Variants in ARID4A observed in about 807,000 individuals in gnomAD.
ARID4A encodes AT-rich interactive domain-containing protein 4A.
Under a neutral mutation model 148.6 loss-of-function variants are expected in ARID4A, and 39 were observed. The observed-to-expected ratio is 0.26, with a 90% CI of 0.20 to 0.34. The LOEUF (loss-of-function observed/expected upper bound fraction) is 0.34. Among genes scored for constraint, ARID4A ranks in the 10% least tolerant of loss-of-function variants. ARID4A has a pLI of 1.00. For synonymous variants in ARID4A, 475 were observed against 481.2 expected (o/e 0.99, Z 0.17); for missense variants, 1,265 against 1,449.1 (o/e 0.87, Z 2.06).
At position 58,347,082 on chromosome 14, in the gene ARID4A, A is replaced by AGCT; in HGVS notation, c.1141_1143dup (p.Ala381dup). ...ACCTTGGCATTCCTATTTTGAATTC[A>AGCT]GCTGCTTCCTACAATGTAAAAACTG... On this transcript the variant is annotated inframe_insertion, in exon 14 of 24. Transcript: ENST00000355431. 1 of 1,586,274 alleles carries AGCT rather than the reference A, an allele frequency of 6.3e-7. No homozygotes were observed. The highest frequency in any genetic ancestry group is 8.6e-7 in the Non-Finnish European group (1 of 1,166,290).
At chr14:58,314,414 G>A (rs915933377) in intron 5 of ARID4A, among the ~76,000 whole-genome samples, 3 of 152,104 alleles carry the variant, frequency 2.0e-5, no homozygotes, top group Non-Finnish European at 2.9e-5. Flanking sequence ...AGTTCATAAT[G>A]TTGTTGGTTT....
chr14:58,350,670 G>T (rs904210769), intron 15 of ARID4A, among the ~76,000 whole-genome samples: 1 of 152,102 alleles, frequency 6.6e-6, no homozygotes, highest in African/African-American at 2.4e-5. Context: ...AAATTCAGGG[G>T]ATTGGTTTTA....
At chr14:58,299,476 G>GA (rs748508602) in intron 1 of ARID4A, 310 of 190,084 alleles carry the variant, frequency 1.6e-3, no homozygotes, top group Middle Eastern at 6.2e-3. Context: ...GGGACCTGGG[G>GA]AAGCCCGAAG....
At chr14:58,342,014 C>G (rs1211113202) in intron 11 of ARID4A, among the ~76,000 whole-genome samples, 1 of 152,120 alleles carries the variant, frequency 6.6e-6, no homozygotes, top group Non-Finnish European at 1.5e-5. Context: ...ATGAAAATGC[C>G]ATGGACAGAG....
rs963053055 is a variant in ARID4A at position 58,347,900 on chromosome 14, T to C, written c.1404+22T>C. The stretch of plus-strand genomic sequence containing the variant: ...GAGGGTGAGTTCTTAATACTAGTTT[T>C]ATCTGGTTTAAGTATTATTTAAAAT... On this transcript the variant is annotated intron_variant, in intron 15 of 23. Transcript: ENST00000355431. 6.5e-6 allele frequency: 10 copies of C among 1,533,354 alleles called. 1 individual carries two copies. Among genetic ancestry groups the C allele is most frequent in the Admixed American group, 1.8e-5 (1 of 55,054 alleles). The allele number at this position is 1,533,354 out of a possible 1,614,324, so 95.0% of individuals were successfully genotyped here.
At chr14:58,319,001 T>G (rs749806094) in intron 7 of ARID4A, among the ~76,000 whole-genome samples, 196 bp downstream of exon 7, 11 of 152,250 alleles carry the variant, frequency 7.2e-5, no homozygotes, top group Non-Finnish European at 1.6e-4. Flanking sequence ...CAACTCTTAC[T>G]TCTAATAGAT....
chr14:58,336,640 G>T (rs2033829782), intron 11 of ARID4A, among the ~76,000 whole-genome samples: 1 of 152,130 alleles, frequency 6.6e-6, no homozygotes, highest in African/African-American at 2.4e-5. Flanking sequence ...TTTACCTTTT[G>T]TAGGAGATAC....
At chr14:58,323,662 T>A (rs1386385014) in intron 8 of ARID4A, 45 bp downstream of exon 8, 1 of 1,503,484 alleles carries the variant, frequency 6.7e-7, no homozygotes, top group African/African-American at 1.4e-5. Context: ...TCTAAATATT[T>A]GTTTTAAATG....
In ARID4A at chr14:58,347,675, C is replaced by G. The variant is rs375037937; in HGVS notation, c.1201C>G (p.Arg401Gly). The change falls in exon 15 of 24, where the codon CGT becomes GGT. Residue 401 changes from arginine (R) to glycine (G), a missense_variant. This residue lies in a region of ARID4A where 205 missense variants were observed against 196.9 expected (regional missense o/e 1.04). Transcript: ENST00000355431. ...TCTCTATGGTTTTGAGGAGTACTGC[C>G]GTTCGGCAAATATTCAGTTCAGAAC... ...KYLYGFEEYC[R>G]SANIQFRTVH... The G allele has an allele frequency of 6.2e-7, 1 of 1,611,278 alleles. No homozygotes were observed.
intron 11 of ARID4A, among the ~76,000 whole-genome samples, chr14:58,335,226 GAT>G (rs943010240): frequency 9.9e-5 from 15 of 151,796 alleles, no homozygotes; most frequent in Middle Eastern, 3.4e-3. Flanking sequence ...TATCTAAAAT[GAT>G]ATAATGACTT....
Position 58,366,090 on chromosome 14 carries a change from A to C in ARID4A, c.3383A>C (p.His1128Pro). ...TCAAGTAAATGTACCCCAGTAAAGC[A>C]TCTTAATGTATCTAAGCCACAGAAA... ...DNSSKCTPVK[H>P]LNVSKPQKLA... Residue 1128 changes from histidine (H) to proline (P), a missense_variant, in exon 22 of 24, where the codon CAT becomes CCT. Around this residue, in one of 9 missense-constraint regions of ARID4A, gnomAD observed 666 missense variants for 730.9 expected, o/e 0.91. Coordinates refer to ENST00000355431, the MANE Select transcript of ARID4A (RefSeq NM_002892.4). 1 of 1,613,896 alleles carries C rather than the reference A, an allele frequency of 6.2e-7. No individual in the cohort carries two copies.
rs1439789249 is a variant in ARID4A at position 58,330,163 on chromosome 14, AGAG to A, written c.902_904del (p.Glu301del). ...AAAAGGAGGCCAAAAAGACAGAAGAAGAGGTGGTAGGTGTAATTTCATGTTTGT... is the reference window on the plus strand; with the variant it reads ...AAAAGGAGGCCAAAAAGACAGAAGAAGTGGTAGGTGTAATTTCATGTTTGT... On this transcript the variant is annotated inframe_deletion, in exon 11 of 24. Transcript: ENST00000355431. 1 of 1,611,202 alleles carries A rather than the reference AGAG, an allele frequency of 6.2e-7. No homozygotes were observed. The highest frequency in any genetic ancestry group is 1.3e-5 in the African/African-American group (1 of 74,684).
intron 20 of ARID4A, 56 bp downstream of exon 20, chr14:58,365,356 T>A: frequency 6.5e-7 from 1 of 1,532,772 alleles, no homozygotes; most frequent in African/African-American, 1.4e-5. Context: ...ATCAAAACTG[T>A]TGAGTTTCAG....
chr14:58,332,685 C>T (rs188428454), intron 11 of ARID4A, among the ~76,000 whole-genome samples: 1 of 152,250 alleles, frequency 6.6e-6, no homozygotes. Context: ...GCCTACCTGG[C>T]TTAGTCATTA....
intron 13 of ARID4A, 95 bp downstream of exon 13, chr14:58,346,600 A>G (rs1566705729): frequency 1.3e-6 from 1 of 770,814 alleles, no homozygotes; most frequent in East Asian, 3.1e-5. Flanking sequence ...GATAATAAAT[A>G]CATTTTCTTA....
Position 58,364,734 on chromosome 14 carries a change from C to G in ARID4A, c.2645C>G (p.Ser882Cys). 6.2e-7 allele frequency: 1 copy of G among 1,613,842 alleles called. No homozygotes were observed. Among genetic ancestry groups the G allele is most frequent in the Non-Finnish European group, 8.5e-7 (1 of 1,179,938 alleles). The change falls in exon 20 of 24, where the codon TCT becomes TGT. Residue 882 changes from serine to cysteine, a missense_variant. Ser to Cys is a moderately radical substitution (Grantham distance 112). This residue lies in a region of ARID4A where 666 missense variants were observed against 730.9 expected (regional missense o/e 0.91). Coordinates refer to ENST00000355431, the MANE Select transcript of ARID4A (RefSeq NM_002892.4). ...ENGMEMTNTVSQERTSDCIGS... is the reference protein window; with the variant it reads ...ENGMEMTNTVCQERTSDCIGS... Reference sequence around the variant, plus strand: ...GGAATGGAAATGACAAATACTGTATCTCAAGAAAGGACCAGTGATTGTATT... The same window carrying G: ...GGAATGGAAATGACAAATACTGTATGTCAAGAAAGGACCAGTGATTGTATT...
intron 3 of ARID4A, chr14:58,303,631 G>C: frequency 2.2e-6 from 1 of 446,896 alleles, no homozygotes; most frequent in Non-Finnish European, 4.8e-6. Context: ...AAAATTTGTT[G>C]AATGAATCAG....
chr14:58,354,215 C>T lies in ARID4A; in HGVS notation c.1853+360C>T, dbSNP rs111989946. Reference sequence around the variant, plus strand: ...ACAATAATTCATAATTCTGTGGAGACATATTACTGACTATGAGCAGGGAGC... The same window carrying T: ...ACAATAATTCATAATTCTGTGGAGATATATTACTGACTATGAGCAGGGAGC... On this transcript the variant is annotated intron_variant, in intron 17 of 23. Transcript: ENST00000355431. Among the ~76,000 whole-genome samples the T allele has an allele frequency of 8.1e-3, 1,241 of 152,308 alleles. 23 individuals are homozygous for T. Among genetic ancestry groups the T allele is most frequent in the African/African-American group, 0.028 (1,153 of 41,554 alleles).
At chr14:58,353,016 C>A (rs896285936) in intron 16 of ARID4A, among the ~76,000 whole-genome samples, 3 of 152,000 alleles carry the variant, frequency 2.0e-5, no homozygotes, top group Non-Finnish European at 2.9e-5. Flanking sequence ...ACTCAAATTT[C>A]TTTTCTTTGT....
Sources: gnomAD v4.1 joint callset for allele counts (sites outside exome capture counted in the v4.1 genomes callset) on GRCh38, gnomAD v4.1.1 for gene constraint, gnomAD v4.1.1 regional missense constraint, MANE v1.5 for transcripts, NCBI Gene and HGNC (gene_info 2026-07-23, HGNC 2026-07-21) for gene names.